The following MYO1F variants were observed in gnomAD, a reference collection of about 807,000 sequenced individuals.
MYO1F encodes the protein unconventional myosin-If.
In MYO1F, 60 loss-of-function variants were observed where a neutral mutation model predicts 146.6. That is an observed-to-expected ratio of 0.41 (90% CI 0.33 to 0.51). The LOEUF (loss-of-function observed/expected upper bound fraction) is 0.51. MYO1F is among the 20% of genes least tolerant of loss of function. The pLI is 0.25. For synonymous variants in MYO1F, 602 were observed against 602.1 expected (o/e 1.00, Z 0.00); for missense variants, 1,274 against 1,534.3 (o/e 0.83, Z 2.83).
At chr19:8,541,235 A>C (rs934398269) in intron 15 of MYO1F, among the ~76,000 whole-genome samples, 1 of 151,938 alleles carries the variant, frequency 6.6e-6, no homozygotes, top group Admixed American at 6.6e-5. Flanking sequence ...GGGTCTTGCT[A>C]TGTTGCCCAG....
chr19:8,547,869 T>G, intron 12 of MYO1F, 167 bp downstream of exon 12: 2 of 654,848 alleles, frequency 3.1e-6, no homozygotes, highest in Non-Finnish European at 2.7e-6. Flanking sequence ...TCCCAAAGCT[T>G]TAGAGGCAGA....
chr19:8,531,013 C>A (rs532369219), intron 19 of MYO1F, among the ~76,000 whole-genome samples: 1 of 151,916 alleles, frequency 6.6e-6, no homozygotes, highest in East Asian at 1.9e-4. Context: ...CATTGCACTC[C>A]AGCCTGGACA....
intron 8 of MYO1F, 61 bp downstream of exon 8, chr19:8,551,679 A>G: frequency 6.2e-7 from 1 of 1,612,978 alleles, no homozygotes; most frequent in South Asian, 1.1e-5. Context: ...TTTGTAACTC[A>G]GGAGGGTTTC....
At chr19:8,526,761 G>C in intron 23 of MYO1F, 28 bp downstream of exon 23, 4 of 1,591,350 alleles carry the variant, frequency 2.5e-6, no homozygotes, top group Non-Finnish European at 2.6e-6. Context: ...ACCACCCCGA[G>C]ATGGTGCTGG....
intron 1 of MYO1F, among the ~76,000 whole-genome samples, chr19:8,561,367 TCCC>T (rs1974096595): frequency 5.8e-5 from 2 of 34,654 alleles, no homozygotes; most frequent in Non-Finnish European, 6.4e-5. Context: ...CCTCCCTCCC[TCCC>T]TCCCTCCCTT....
chr19:8,568,682 G>C (rs1231393842), intron 1 of MYO1F, among the ~76,000 whole-genome samples: 1 of 152,086 alleles, frequency 6.6e-6, no homozygotes, highest in Admixed American at 6.6e-5. Context: ...AGCACTTTTG[G>C]AGGCGAGGCA....
chr19:8,538,584 ATT>A (rs79984981), intron 16 of MYO1F, among the ~76,000 whole-genome samples: 3,594 of 126,368 alleles, frequency 0.028, 76 homozygotes, highest in African/African-American at 0.07. Context: ...TCCCGGTCTG[ATT>A]TTTTTTTTTT....
intron 2 of MYO1F, 23 bp from the exon 3 acceptor site, chr19:8,554,766 G>A: frequency 1.2e-6 from 2 of 1,609,810 alleles, no homozygotes; most frequent in Non-Finnish European, 1.7e-6. Context: ...TAAGGGTCGT[G>A]TGGTGTCCTG....
chr19:8,543,156 A>G (rs7251782), intron 14 of MYO1F, among the ~76,000 whole-genome samples: 149,740 of 150,246 alleles, frequency 1, 74,617 homozygotes, highest in Non-Finnish European at 1. Flanking sequence ...CACCCGCCTC[A>G]GCCTCCCAAA....
Position 8,536,595 on chromosome 19 carries a change from A to G in MYO1F, c.1802T>C (p.Val601Ala), listed in dbSNP as rs1300652931. 1.5e-6 allele frequency: 2 copies of G among 1,362,432 alleles called. No individual in the cohort carries two copies. Among genetic ancestry groups the G allele is most frequent in the Non-Finnish European group, 1.9e-6 (2 of 1,033,876 alleles). The allele number at this position is 1,362,432 out of a possible 1,614,324, so 84.4% of individuals were successfully genotyped here. ...KRPRDWEENR[V>A]KHQVEYLGLK... ...GCCCAGGTATTCCACCTGGTGCTTGACTCTGGTGGGGAGGGTAGGCTGAGT... is the reference window on the plus strand; with the variant it reads ...GCCCAGGTATTCCACCTGGTGCTTGGCTCTGGTGGGGAGGGTAGGCTGAGT... The change falls in exon 18 of 28, where the codon GTC becomes GCC. Residue 601 changes from valine to alanine, a missense_variant and splice_region_variant. Coordinates refer to ENST00000644032, the MANE Select transcript of MYO1F (RefSeq NM_012335.4).
At chr19:8,551,353 T>C (rs373777669) in intron 8 of MYO1F, 30 of 122,094 alleles carry the variant, frequency 2.5e-4, no homozygotes, top group South Asian at 1.5e-3. Flanking sequence ...TGCCTGGCCT[T>C]TTTTTTTTTT....
chr19:8,555,134 A>G (rs879265565), intron 2 of MYO1F, among the ~76,000 whole-genome samples: 13 of 150,140 alleles, frequency 8.7e-5, no homozygotes, highest in Admixed American at 3.3e-4. Flanking sequence ...GCAGCGAGCT[A>G]TCGTGCCATT....
At chr19:8,521,972 G>A (rs897660496) in intron 27 of MYO1F, among the ~76,000 whole-genome samples, 5 of 151,254 alleles carry the variant, frequency 3.3e-5, no homozygotes, top group African/African-American at 4.9e-5. Flanking sequence ...CTGTTCTCCC[G>A]TGGGGAGGGT....
intron 21 of MYO1F, among the ~76,000 whole-genome samples, 179 bp from the exon 22 acceptor site, chr19:8,527,662 G>C (rs1490320864): frequency 2.6e-5 from 4 of 152,156 alleles, no homozygotes. Flanking sequence ...GCTCAGGCTG[G>C]AGTGCAGTGG....
intron 1 of MYO1F, among the ~76,000 whole-genome samples, chr19:8,570,064 G>A (rs894380217): frequency 6.6e-6 from 1 of 151,134 alleles, no homozygotes; most frequent in African/African-American, 2.4e-5. Flanking sequence ...ATACTACCAC[G>A]CCTGGCTAAT....
chr19:8,548,940 A>G (rs777667609), intron 10 of MYO1F, among the ~76,000 whole-genome samples: 9 of 149,274 alleles, frequency 6.0e-5, no homozygotes, highest in Non-Finnish European at 1.0e-4. Flanking sequence ...CAACTACCTT[A>G]TGGGGCTTTT....
At chr19:8,544,235 A>G in intron 14 of MYO1F, 62 bp downstream of exon 14, 1 of 1,568,870 alleles carries the variant, frequency 6.4e-7, no homozygotes, top group Admixed American at 1.7e-5. Flanking sequence ...GGTGGGGGCT[A>G]CAGCCTGGAG....
At chr19:8,564,678 A>G (rs1029590488) in intron 1 of MYO1F, among the ~76,000 whole-genome samples, 1 of 151,550 alleles carries the variant, frequency 6.6e-6, no homozygotes, top group Non-Finnish European at 1.5e-5. Context: ...GGAGGCTAGG[A>G]GGTATAGACA....
chr19:8,551,165 C>T (rs1973590846), intron 8 of MYO1F, among the ~76,000 whole-genome samples: 1 of 151,908 alleles, frequency 6.6e-6, no homozygotes, highest in Non-Finnish European at 1.5e-5. Context: ...GATTCTCCTG[C>T]CTCAGCCTCC....
Sources: allele counts gnomAD v4.1 joint callset (sites outside exome capture counted in the v4.1 genomes callset), GRCh38; gene constraint gnomAD v4.1.1; transcripts MANE v1.5; gene names NCBI Gene and HGNC (gene_info 2026-07-23, HGNC 2026-07-21).